Variants in SLC3A2 observed in about 807,000 individuals in gnomAD.
The protein encoded by SLC3A2 is solute carrier family 3 member 2, also known as amino acid transporter heavy chain SLC3A2.
In SLC3A2, 32 loss-of-function variants were observed where a neutral mutation model predicts 48.5. The ratio of observed to expected loss-of-function variants is 0.66; its 90% CI spans 0.50 to 0.89. The LOEUF is 0.89. SLC3A2 is among the 40% of genes least tolerant of loss of function. SLC3A2 has a pLI of 0.00. For synonymous variants in SLC3A2, 277 were observed against 288.8 expected (o/e 0.96, Z 0.41); for missense variants, 587 against 680.7 (o/e 0.86, Z 1.53).
chr11:62,888,709 G>A lies in SLC3A2; in HGVS notation c.*16G>A. 2 of 1,566,194 alleles carry A rather than the reference G, an allele frequency of 1.3e-6. No individual in the cohort carries two copies. Among genetic ancestry groups the A allele is most frequent in the Non-Finnish European group, 1.7e-6 (2 of 1,160,314 alleles). On this transcript the variant is annotated 3_prime_UTR_variant, in exon 9 of 9. Transcript: ENST00000338663. Reference sequence around the variant, plus strand: ...CGCGGCCTGACTTCAGCCTGACATGGACCCACTACCCTTCTCCTTTCCTTC... The same window carrying A: ...CGCGGCCTGACTTCAGCCTGACATGAACCCACTACCCTTCTCCTTTCCTTC...
chr11:62,868,930 A>T (rs2085481428), intron 1 of SLC3A2, among the ~76,000 whole-genome samples: 2 of 151,852 alleles, frequency 1.3e-5, no homozygotes, highest in Non-Finnish European at 2.9e-5. Flanking sequence ...AGACGGTCTC[A>T]TTCTGTCGCC....
chr11:62,884,979 G>A (rs2085690486), intron 5 of SLC3A2, among the ~76,000 whole-genome samples, 198 bp from the exon 6 acceptor site: 2 of 151,460 alleles, frequency 1.3e-5, no homozygotes, highest in Admixed American at 6.6e-5. Context: ...TTACAGACGC[G>A]GGCCACCACA....
intron 1 of SLC3A2, among the ~76,000 whole-genome samples, chr11:62,857,481 A>G (rs1390539525): frequency 6.6e-6 from 1 of 152,038 alleles, no homozygotes; most frequent in African/African-American, 2.4e-5. Flanking sequence ...AGAGTTCAAG[A>G]CCAGTCTAAG....
At chr11:62,874,609 C>G (rs1029907591) in intron 1 of SLC3A2, among the ~76,000 whole-genome samples, 8 of 152,098 alleles carry the variant, frequency 5.3e-5, no homozygotes, top group Non-Finnish European at 1.2e-4. Context: ...AGTGTCCCTC[C>G]TATAGGATTC....
rs1188729046 is a variant in SLC3A2, at chr11:62,871,788, A to C, written c.113-9231A>C. 3 of 372,636 alleles carry C rather than the reference A, an allele frequency of 8.1e-6. No homozygotes were observed. In the East Asian group the frequency reaches 1.3e-4, roughly 16 times the overall value. The allele number at this position is 372,636 out of a possible 1,614,324, so 23.1% of individuals were successfully genotyped here. A position where few individuals can be genotyped will look rare whatever the true frequency, so the allele number is the denominator to read the frequency against. ...CTCTGCCCTTTTCTCTTGCACATGA[A>C]TTATAGAGTCATCTTACAAAGTTCT... On this transcript the variant is annotated intron_variant, in intron 1 of 9. Transcript: ENST00000377889.
intron 3 of SLC3A2, chr11:62,883,705 G>A (rs973568206): frequency 9.4e-5 from 25 of 266,950 alleles, no homozygotes; most frequent in African/African-American, 5.5e-4. Flanking sequence ...GTTACTAGGG[G>A]ACCCTTTAAA....
At chr11:62,887,300 C>A (rs768021698) in intron 7 of SLC3A2, among the ~76,000 whole-genome samples, 2 of 151,902 alleles carry the variant, frequency 1.3e-5, no homozygotes, top group Non-Finnish European at 2.9e-5. Context: ...CAAGCAGATA[C>A]CTGAGGGAAG....
chr11:62,862,045 G>A (rs751637480), intron 1 of SLC3A2, among the ~76,000 whole-genome samples: 5 of 151,628 alleles, frequency 3.3e-5, no homozygotes, highest in Non-Finnish European at 4.4e-5. Flanking sequence ...TAGGCCAGGC[G>A]CGGTGGCTTA....
chr11:62,888,187 C>G lies in SLC3A2; in HGVS notation c.1196C>G (p.Pro399Arg), dbSNP rs759147437. ...LWDESSFPDI[P>R]GAVSANMTVK... ...GATGAGTCCAGCTTCCCTGACATCCCAGGGGCTGTAAGTGCCAACATGACT... is the reference window on the plus strand; with the variant it reads ...GATGAGTCCAGCTTCCCTGACATCCGAGGGGCTGTAAGTGCCAACATGACT... Residue 399 changes from proline (P) to arginine (R), a missense_variant, in exon 8 of 9, where the codon CCA (proline) becomes CGA (arginine). This residue lies in a region of SLC3A2 where 169 missense variants were observed against 204.4 expected (regional missense o/e 0.83). Coordinates refer to ENST00000338663, the MANE Select transcript of SLC3A2 (RefSeq NM_001013251.3). 1 of 1,614,048 alleles carries G rather than the reference C, an allele frequency of 6.2e-7. No homozygotes were observed. Among genetic ancestry groups the G allele is most frequent in the East Asian group, 2.2e-5 (1 of 44,870 alleles).
In SLC3A2 at chr11:62,881,756, C is replaced by G. The variant is rs1046315837; in HGVS notation, c.425-137C>G. 1 of 1,011,072 alleles carries G rather than the reference C, an allele frequency of 9.9e-7. No homozygotes were observed. Among genetic ancestry groups the G allele is most frequent in the African/African-American group, 1.6e-5 (1 of 61,954 alleles). The allele number at this position is 1,011,072 out of a possible 1,614,324, so 62.6% of individuals were successfully genotyped here. On this transcript the variant is annotated intron_variant, in intron 1 of 8. Transcript: ENST00000338663. This position sits in a 1 kb window ranked among gnomAD's most constrained non-coding sequence, Gnocchi z 4.0. ...ACTCCTTACATCAGCTCCTCTGAGT[C>G]TCGTGATTCAGCCTTGCCTCCCTCT...
In SLC3A2 at chr11:62,881,801, C is replaced by T. The variant is rs1590633180; in HGVS notation, c.425-92C>T. The T allele has an allele frequency of 5.5e-6, 8 of 1,462,022 alleles. No individual in the cohort carries two copies. The East Asian group carries it at 9.1e-5, about 17-fold the overall frequency. 90.6% of individuals were successfully genotyped at this position (1,462,022 alleles called of 1,614,324 possible). ...CCCTCTCTCCCCCTTTGCCCCCTCCCCGTCCCACCCTTAGGCGCTGGGAGA... is the reference window on the plus strand; with the variant it reads ...CCCTCTCTCCCCCTTTGCCCCCTCCTCGTCCCACCCTTAGGCGCTGGGAGA... On this transcript the variant is annotated intron_variant, in intron 1 of 8. Coordinates refer to ENST00000338663, the MANE Select transcript of SLC3A2 (RefSeq NM_001013251.3). This position sits in a 1 kb window ranked among gnomAD's most constrained non-coding sequence, Gnocchi z 4.0.
chr11:62,878,975 G>T (rs542976443), upstream of SLC3A2, among the ~76,000 whole-genome samples: 1 of 151,974 alleles, frequency 6.6e-6, no homozygotes, highest in South Asian at 2.1e-4. Context: ...GTTTCACCAT[G>T]TTGGCCAGGC....
At chr11:62,871,405 A>AT (rs528440221) in intron 1 of SLC3A2, among the ~76,000 whole-genome samples, 1 of 150,838 alleles carries the variant, frequency 6.6e-6, no homozygotes, top group Admixed American at 6.6e-5. Flanking sequence ...TGCCTGACTA[A>AT]TTTTTTGTAT....
chr11:62,883,054 C>T (rs1224428088), intron 3 of SLC3A2, 55 bp downstream of exon 3: 2 of 1,533,026 alleles, frequency 1.3e-6, no homozygotes, highest in Admixed American at 1.7e-5. Flanking sequence ...TGGGACAGTC[C>T]TTTCACAGCA....
At chr11:62,859,797 A>G (rs545733824) in intron 1 of SLC3A2, among the ~76,000 whole-genome samples, 1 of 126,564 alleles carries the variant, frequency 7.9e-6, no homozygotes, top group Middle Eastern at 4.1e-3. Context: ...AGGGCATTTT[A>G]AAAAAAGTAG....
At position 62,856,286 on chromosome 11, in the gene SLC3A2, C is replaced by T. The variant is rs2085319490; in HGVS notation, c.17C>T (p.Pro6Leu). Residue 6 changes from proline (P) to leucine (L), a missense_variant, in exon 1 of 10, where the codon CCT becomes CTT. Physicochemically the swap from Pro to Leu is moderately conservative, Grantham distance 98. Coordinates refer to the SLC3A2 transcript ENST00000377889. ...TCCGCCTCCATGGAGCTACAGCCTC[C>T]TGAAGCCTCGATCGCCGTCGTGTCG... 1 of 1,613,242 alleles carries T rather than the reference C, an allele frequency of 6.2e-7. No homozygotes were observed. The highest frequency in any genetic ancestry group is 8.5e-7 in the Non-Finnish European group (1 of 1,179,268).
chr11:62,857,553 G>A (rs552280525), intron 1 of SLC3A2, among the ~76,000 whole-genome samples: 175 of 152,092 alleles, frequency 1.2e-3, no homozygotes, highest in African/African-American at 4.1e-3. Flanking sequence ...AGCCAGGAGC[G>A]GTGGTGCATG....
intron 1 of SLC3A2, among the ~76,000 whole-genome samples, chr11:62,873,508 G>T (rs993276688): frequency 2.6e-5 from 4 of 151,464 alleles, no homozygotes; most frequent in Non-Finnish European, 2.9e-5. Flanking sequence ...AAAAAATTTT[G>T]TACAGACAAG....
chr11:62,888,301 A>C, intron 8 of SLC3A2, 30 bp from the exon 9 acceptor site: 1 of 1,610,472 alleles, frequency 6.2e-7, no homozygotes, highest in Middle Eastern at 1.7e-4. Context: ...AGCCCCTCAC[A>C]CGCTTCTGCT....
Sources: allele counts gnomAD v4.1 joint callset (sites outside exome capture counted in the v4.1 genomes callset), GRCh38; gene constraint gnomAD v4.1.1; regional missense constraint gnomAD v4.1.1; non-coding constraint Gnocchi (gnomAD v3.1); transcripts MANE v1.5; gene names NCBI Gene and HGNC (gene_info 2026-07-23, HGNC 2026-07-21).